Variants in PCDH15 observed in about 807,000 individuals in gnomAD.
PCDH15 encodes the protein protocadherin related 15, also known as protocadherin-15.
Under a neutral mutation model 178.5 loss-of-function variants are expected in PCDH15, and 129 were observed. That is an observed-to-expected ratio of 0.72 (90% CI 0.63 to 0.84). The LOEUF is 0.84. Ranked by LOEUF, PCDH15 falls within the 40% of genes least tolerant of loss-of-function variation. PCDH15 has a pLI of 0.00. For synonymous variants in PCDH15, 800 were observed against 732.0 expected (o/e 1.09, Z -1.50); for missense variants, 2,230 against 2,099.9 (o/e 1.06, Z -1.21).
chr10:54,104,860 A>C (rs2094882580), intron 15 of PCDH15, among the ~76,000 whole-genome samples: 1 of 150,234 alleles, frequency 6.7e-6, no homozygotes, highest in African/African-American at 2.5e-5. Flanking sequence ...AAAAAAAAAA[A>C]AAAAAAAAAG....
intron 8 of PCDH15, among the ~76,000 whole-genome samples, chr10:54,300,751 C>A (rs192660929): frequency 6.6e-6 from 1 of 152,216 alleles, no homozygotes; most frequent in Admixed American, 6.5e-5. Flanking sequence ...CCAATCAGCA[C>A]TTGGTAAAAT....
intron 21 of PCDH15, among the ~76,000 whole-genome samples, chr10:53,984,154 T>TC (rs2090927135): frequency 8.7e-6 from 1 of 114,480 alleles, no homozygotes; most frequent in African/African-American, 2.9e-5. Flanking sequence ...TTTTCTTTTT[T>TC]TTTTTTTTTT....
intron 26 of PCDH15, among the ~76,000 whole-genome samples, chr10:53,888,702 T>TATATATATA (rs1554845542): frequency 0.052 from 2,402 of 46,126 alleles, 516 homozygotes; most frequent in Middle Eastern, 0.071. Flanking sequence ...TATATATATA[T>TATATATATA]ATCTCCTGTG....
intron 1 of PCDH15, among the ~76,000 whole-genome samples, chr10:55,279,145 A>G (rs1842667533): frequency 6.6e-6 from 1 of 152,152 alleles, no homozygotes; most frequent in South Asian, 2.1e-4. Flanking sequence ...TTTTAAAACT[A>G]AGACCATAAA....
intron 1 of PCDH15, among the ~76,000 whole-genome samples, chr10:55,316,764 A>G (rs895357482): frequency 6.6e-6 from 1 of 152,184 alleles, no homozygotes; most frequent in African/African-American, 2.4e-5. Context: ...TTAATATGTT[A>G]TTCATAATGT....
At chr10:54,422,054 C>CAATA (rs946645145) in intron 3 of PCDH15, among the ~76,000 whole-genome samples, 3 of 150,288 alleles carry the variant, frequency 2.0e-5, no homozygotes, top group Admixed American at 6.7e-5. Flanking sequence ...ATGCATACAG[C>CAATA]AATAAATAAA....
At chr10:54,293,240 G>A (rs183575154) in intron 8 of PCDH15, among the ~76,000 whole-genome samples, 2 of 152,300 alleles carry the variant, frequency 1.3e-5, no homozygotes, top group African/African-American at 4.8e-5. Context: ...TTAATAAATG[G>A]TGCTAGGAAA....
intron 2 of PCDH15, among the ~76,000 whole-genome samples, chr10:54,623,421 T>A (rs1333257609): frequency 6.6e-6 from 1 of 152,120 alleles, no homozygotes; most frequent in African/African-American, 2.4e-5. Flanking sequence ...TGACTAACTT[T>A]TTTACATAAT....
chr10:54,897,059 C>T (rs763136800), intron 3 of PCDH15, among the ~76,000 whole-genome samples: 1 of 152,148 alleles, frequency 6.6e-6, no homozygotes, highest in Non-Finnish European at 1.5e-5. Flanking sequence ...TGGTCTTGCT[C>T]CTGTGGCTGT....
At chr10:54,128,746 G>T (rs2042186219) in intron 15 of PCDH15, among the ~76,000 whole-genome samples, 2 of 152,034 alleles carry the variant, frequency 1.3e-5, no homozygotes, top group African/African-American at 4.8e-5. Context: ...GCTCAATTGT[G>T]CTTTATTCAG....
At chr10:55,183,023 T>G (rs1435558282) in intron 1 of PCDH15, among the ~76,000 whole-genome samples, 1 of 151,964 alleles carries the variant, frequency 6.6e-6, no homozygotes, top group Non-Finnish European at 1.5e-5. Flanking sequence ...TCCTTCCTTA[T>G]GGCTTCACAT....
Position 55,193,372 on chromosome 10 carries a change from A to G in PCDH15, c.-155-26721T>C, listed in dbSNP as rs1187917434. Among the ~76,000 whole-genome samples the G allele has an allele frequency of 2.6e-5, 4 of 152,126 alleles. No homozygotes were observed. In the East Asian group the frequency reaches 5.8e-4, roughly 22 times the overall value. ...TTGTATCATAAACACTGTTTGTTTC[A>G]TTGCCAAAATTAATGTGCCTAGTCT... On this transcript the variant is annotated intron_variant, in intron 1 of 5. Transcript: ENST00000458638.
At chr10:53,826,789 G>A (rs2076710446) in intron 32 of PCDH15, among the ~76,000 whole-genome samples, 1 of 152,072 alleles carries the variant, frequency 6.6e-6, no homozygotes, top group Non-Finnish European at 1.5e-5. Context: ...CGCAGTCTGA[G>A]AGTAATAAAG....
chr10:55,405,469 T>C (rs778392400), intron 2 of PCDH15, among the ~76,000 whole-genome samples: 2 of 151,496 alleles, frequency 1.3e-5, no homozygotes, highest in African/African-American at 4.8e-5. Flanking sequence ...AAATCATTTA[T>C]CTATTTACTT....
intron 25 of PCDH15, among the ~76,000 whole-genome samples, chr10:53,917,152 T>G (rs2083594715): frequency 6.6e-6 from 1 of 152,130 alleles, no homozygotes; most frequent in African/African-American, 2.4e-5. Context: ...CTATTAAATA[T>G]GCATACTTTT....
chr10:53,912,979 T>C (rs542004441), intron 25 of PCDH15, among the ~76,000 whole-genome samples: 1 of 152,064 alleles, frequency 6.6e-6, no homozygotes, highest in East Asian at 1.9e-4. Context: ...AGCCCACATA[T>C]CCCAGACAAT....
At chr10:53,861,395 T>C (rs2133091094) in intron 27 of PCDH15, among the ~76,000 whole-genome samples, 1 of 152,224 alleles carries the variant, frequency 6.6e-6, no homozygotes, top group South Asian at 2.1e-4. Context: ...AGAAGAGAAA[T>C]AACATTTGTG....
intron 2 of PCDH15, among the ~76,000 whole-genome samples, chr10:55,477,580 G>T (rs535282684): frequency 6.6e-6 from 1 of 151,856 alleles, no homozygotes; most frequent in African/African-American, 2.4e-5. Context: ...ATAAATTTTG[G>T]GTGCATGGTA....
intron 28 of PCDH15, among the ~76,000 whole-genome samples, chr10:53,849,880 A>G (rs1450661163): frequency 4.8e-4 from 72 of 150,094 alleles, no homozygotes; most frequent in African/African-American, 6.6e-4. Context: ...AAAAAAAAAA[A>G]AAAGAAAGAA....
Sources: allele counts gnomAD v4.1 joint callset (sites outside exome capture counted in the v4.1 genomes callset), GRCh38; gene constraint gnomAD v4.1.1; transcripts MANE v1.5; gene names NCBI Gene and HGNC (gene_info 2026-07-23, HGNC 2026-07-21).